The following AZI2 variants were observed in gnomAD, a reference collection of about 807,000 sequenced individuals.
AZI2 encodes 5-azacytidine induced 2.
AZI2 carries 22 observed loss-of-function variants against 45.8 expected under a neutral mutation model. The ratio of observed to expected loss-of-function variants is 0.48; its 90% CI spans 0.34 to 0.69. The LOEUF (loss-of-function observed/expected upper bound fraction) is 0.69. AZI2 is among the 30% of genes least tolerant of loss of function. The pLI is 0.01. For missense variants in AZI2, 417 were observed against 441.5 expected (o/e 0.94, Z 0.50); for synonymous variants, 137 against 156.7 (o/e 0.87, Z 0.94).
At chr3:28,342,944 C>A (rs749435116) in intron 1 of AZI2, among the ~76,000 whole-genome samples, 10 of 152,008 alleles carry the variant, frequency 6.6e-5, no homozygotes, top group Non-Finnish European at 1.3e-4. Context: ...ATAACATAAA[C>A]TGCTCTGCGA....
At chr3:28,327,594 T>C (rs1481570570) in intron 6 of AZI2, among the ~76,000 whole-genome samples, 1 of 150,968 alleles carries the variant, frequency 6.6e-6, no homozygotes, top group Non-Finnish European at 1.5e-5. Flanking sequence ...GAAACAGAAA[T>C]AGAAACTTCA....
chr3:28,342,687 T>C (rs1704065642), intron 1 of AZI2, among the ~76,000 whole-genome samples: 1 of 148,172 alleles, frequency 6.7e-6, no homozygotes, highest in Admixed American at 6.9e-5. Context: ...TGCATATATA[T>C]CTTCATATAA....
At chr3:28,331,087 G>T (rs1351397101) in intron 6 of AZI2, among the ~76,000 whole-genome samples, 2 of 151,270 alleles carry the variant, frequency 1.3e-5, no homozygotes, top group Non-Finnish European at 3.0e-5. Context: ...AGGTTTTCAA[G>T]AAATTCTTAG....
chr3:28,344,366 T>C (rs190006736), intron 1 of AZI2, among the ~76,000 whole-genome samples: 60 of 152,114 alleles, frequency 3.9e-4, no homozygotes, highest in African/African-American at 1.3e-3. Context: ...AATGAGATCA[T>C]AGAAAGGAAA....
At chr3:28,336,657 T>C in intron 5 of AZI2, 80 bp downstream of exon 5, 1 of 1,408,626 alleles carries the variant, frequency 7.1e-7, no homozygotes, top group South Asian at 1.3e-5. Context: ...AACTCTATGG[T>C]TTAATACAAT....
chr3:28,323,898 A>C lies in AZI2; in HGVS notation c.*144T>G, dbSNP rs757880361. On this transcript the variant is annotated 3_prime_UTR_variant, in exon 8 of 8. Coordinates refer to ENST00000479665, the MANE Select transcript of AZI2 (RefSeq NM_022461.5). The stretch of plus-strand genomic sequence containing the variant: ...AACCAACTATGTTGGTTTTTGTACT[A>C]TTGTACAGTGTGTTCAAATATAGAT... 2.2e-5 allele frequency: 20 copies of C among 913,086 alleles called. No homozygotes were observed. The highest frequency in any genetic ancestry group is 3.1e-5 in the Non-Finnish European group (19 of 610,254). The allele number at this position is 913,086 out of a possible 1,614,324, so 56.6% of individuals were successfully genotyped here.
intron 5 of AZI2, among the ~76,000 whole-genome samples, chr3:28,333,140 G>A (rs1325364047): frequency 4.0e-5 from 6 of 151,722 alleles, no homozygotes; most frequent in Non-Finnish European, 8.8e-5. Flanking sequence ...GATGTGGCCA[G>A]TATAAGCTCA....
chr3:28,337,146 A>C, intron 4 of AZI2: 1 of 383,562 alleles, frequency 2.6e-6, no homozygotes, highest in Non-Finnish European at 4.7e-6. Flanking sequence ...CAGACAGATC[A>C]ATATTCTGCA....
rs1704392642 is a variant in AZI2 at position 28,348,823 on chromosome 3, A to AGGGACGAGCCGAGGCAGGAG, written c.-229_-228insCTCCTGCCTCGGCTCGTCCC. 1 of 388,898 alleles carries AGGGACGAGCCGAGGCAGGAG rather than the reference A, an allele frequency of 2.6e-6. No individual in the cohort carries two copies. The highest frequency in any genetic ancestry group is 1.0e-4 in the South Asian group (1 of 9,656). 24.1% of individuals were successfully genotyped at this position (388,898 alleles called of 1,614,324 possible). A position where few individuals can be genotyped will look rare whatever the true frequency, so the allele number is the denominator to read the frequency against. Reference sequence around the variant, plus strand: ...CAGGAGCCCGGGACGTTCTGGAAGGAGGGACGAGCCGAGGCAGGAGGGGCC... The same window carrying AGGGACGAGCCGAGGCAGGAG: ...CAGGAGCCCGGGACGTTCTGGAAGGAGGGACGAGCCGAGGCAGGAGGGGACGAGCCGAGGCAGGAGGGGCC... On this transcript the variant is annotated 5_prime_UTR_variant, in exon 1 of 8. Transcript: ENST00000479665.
chr3:28,341,734 A>C (rs1704024946), intron 1 of AZI2: 1 of 152,092 alleles, frequency 6.6e-6, no homozygotes, highest in Admixed American at 6.6e-5. Flanking sequence ...AAAATAAAAA[A>C]CTAAATATAG....
chr3:28,324,332 G>T lies in AZI2; in HGVS notation c.889C>A (p.His297Asn). Residue 297 changes from histidine (H) to asparagine (N), a missense_variant, in exon 8 of 8, where the codon CAT (histidine) becomes AAT (asparagine). Coordinates refer to ENST00000479665, the MANE Select transcript of AZI2 (RefSeq NM_022461.5). Reference sequence around the variant, plus strand: ...CCTGGTAAAGGGGAAGATGTGGTATGACAAAGAGCTTTGCCATTTGGTAAG... The same window carrying T: ...CCTGGTAAAGGGGAAGATGTGGTATTACAAAGAGCTTTGCCATTTGGTAAG... ...PLLPNGKALC[H>N]TTSSPLPGDV... 1 of 1,603,396 alleles carries T rather than the reference G, an allele frequency of 6.2e-7. No homozygotes were observed.
At chr3:28,345,681 AG>A (rs1159395646) in intron 1 of AZI2, among the ~76,000 whole-genome samples, 1 of 152,104 alleles carries the variant, frequency 6.6e-6, no homozygotes, top group Admixed American at 6.5e-5. Context: ...AGGAAAAAAA[AG>A]ATTCAAACAT....
intron 6 of AZI2, among the ~76,000 whole-genome samples, chr3:28,327,789 C>T (rs151062035): frequency 0.015 from 2,212 of 150,714 alleles, 53 homozygotes; most frequent in African/African-American, 0.05. Flanking sequence ...ATCTTCAGCA[C>T]ATATTCTCAT....
chr3:28,346,192 T>C (rs372373142), intron 1 of AZI2, among the ~76,000 whole-genome samples: 5 of 152,098 alleles, frequency 3.3e-5, no homozygotes, highest in Non-Finnish European at 5.9e-5. Flanking sequence ...AAAAGAACAC[T>C]TTCCCAGGAT....
At chr3:28,347,297 T>C (rs1269545595) in intron 1 of AZI2, among the ~76,000 whole-genome samples, 1 of 152,234 alleles carries the variant, frequency 6.6e-6, no homozygotes, top group East Asian at 1.9e-4. Flanking sequence ...CAAGCGTTTA[T>C]GGTATACCAA....
chr3:28,325,063 A>G (rs2125635462), intron 7 of AZI2: 1 of 150,426 alleles, frequency 6.6e-6, no homozygotes, highest in African/African-American at 2.4e-5. Context: ...AAATTTGTGA[A>G]ATCTTGTTTC....
rs1703189837 is a variant in AZI2 at position 28,321,542 on chromosome 3, T to C, written c.*2500A>G. On this transcript the variant is annotated 3_prime_UTR_variant, in exon 8 of 8. Transcript: ENST00000479665. ...AGATTTTTTTCACCTGGTACATCTG[T>C]CTCAGTTGTGTCTTGCTTGCTTATG... 1 of 151,406 alleles carries C rather than the reference T, an allele frequency of 6.6e-6. No individual in the cohort carries two copies. The highest frequency in any genetic ancestry group is 2.4e-5 in the African/African-American group (1 of 41,352). 9.4% of individuals were successfully genotyped at this position (151,406 alleles called of 1,614,324 possible). A position where few individuals can be genotyped will look rare whatever the true frequency, so the allele number is the denominator to read the frequency against.
chr3:28,346,109 T>TA (rs1243553163), intron 1 of AZI2, among the ~76,000 whole-genome samples: 2 of 152,100 alleles, frequency 1.3e-5, no homozygotes, highest in Admixed American at 6.5e-5. Flanking sequence ...ATGGTCTTAA[T>TA]ACAACATTCA....
Position 28,322,850 on chromosome 3 carries a change from A to AGAT in AZI2, c.*1189_*1191dup, listed in dbSNP as rs1185811305. Reference sequence around the variant, plus strand: ...GAAGAGATCTGAGATATTGAGTTCAAGATATATGAAACTGTCTATCAAAAA... The same window carrying AGAT: ...GAAGAGATCTGAGATATTGAGTTCAAGATGATATATGAAACTGTCTATCAAAAA... On this transcript the variant is annotated 3_prime_UTR_variant, in exon 8 of 8. Transcript: ENST00000479665. 7 of 151,394 alleles carry AGAT rather than the reference A, an allele frequency of 4.6e-5. No homozygotes were observed. The highest frequency in any genetic ancestry group is 1.4e-4 in the African/African-American group (6 of 41,448). 9.4% of individuals were successfully genotyped at this position (151,394 alleles called of 1,614,324 possible).
Sources: gnomAD v4.1 joint callset for allele counts (sites outside exome capture counted in the v4.1 genomes callset) on GRCh38, gnomAD v4.1.1 for gene constraint, MANE v1.5 for transcripts, NCBI Gene and HGNC (gene_info 2026-07-23, HGNC 2026-07-21) for gene names.